CLEC12A: variants seen among roughly 807,000 people sequenced by gnomAD.
The protein encoded by CLEC12A is C-type lectin protein CLL-1.
CLEC12A carries 22 observed loss-of-function variants against 26.5 expected under a neutral mutation model. The ratio of observed to expected loss-of-function variants is 0.83; its 90% CI spans 0.59 to 1.19. CLEC12A has a LOEUF of 1.19. Among genes scored for constraint, CLEC12A ranks in the 50% most tolerant of loss-of-function variants. The probability of loss-of-function intolerance (pLI) is 0.00; values close to 1 mark genes in which losing one functional copy is unlikely to be tolerated. For synonymous variants in CLEC12A, 119 were observed against 101.9 expected (o/e 1.17, Z -1.01); for missense variants, 353 against 315.6 (o/e 1.12, Z -0.90).
At chr12:9,963,844 T>C (rs574184405) in intron 1 of CLEC12A, among the ~76,000 whole-genome samples, 24 of 152,296 alleles carry the variant, frequency 1.6e-4, no homozygotes, top group East Asian at 5.8e-4. Flanking sequence ...GCAGCAGCCA[T>C]CAGAGGTTGT....
At chr12:9,972,896 G>A (rs983589672) in intron 1 of CLEC12A, among the ~76,000 whole-genome samples, 1 of 151,882 alleles carries the variant, frequency 6.6e-6, no homozygotes, top group Admixed American at 6.6e-5. Flanking sequence ...GGCATATCAT[G>A]AGCCTAATAT....
chr12:10,003,532 G>C, the CLEC12A span, among the ~76,000 whole-genome samples: 1 of 152,208 alleles, frequency 6.6e-6, no homozygotes, highest in Non-Finnish European at 1.5e-5. Flanking sequence ...TATTGACTAA[G>C]AGGAGAAAGG....
intron 1 of CLEC12A, chr12:9,951,841 G>A (rs756902807): frequency 1.0e-4 from 17 of 169,576 alleles, no homozygotes; most frequent in African/African-American, 3.1e-4. Context: ...ATCTCTACCC[G>A]TATCACGCTG....
At chr12:9,977,219 T>A (rs1009138414) in intron 1 of CLEC12A, among the ~76,000 whole-genome samples, 1 of 152,148 alleles carries the variant, frequency 6.6e-6, no homozygotes, top group Non-Finnish European at 1.5e-5. Flanking sequence ...TATACTTAAT[T>A]TATCCATGGG....
chr12:9,961,545 A>C (rs1363484113), intron 1 of CLEC12A, among the ~76,000 whole-genome samples: 1 of 152,220 alleles, frequency 6.6e-6, no homozygotes, highest in Non-Finnish European at 1.5e-5. Flanking sequence ...CAAAAAGATA[A>C]TTATAAAATT....
intron 1 of CLEC12A, among the ~76,000 whole-genome samples, chr12:9,959,080 C>T (rs1038609293): frequency 6.6e-6 from 1 of 152,184 alleles, no homozygotes; most frequent in African/African-American, 2.4e-5. Flanking sequence ...CTCTTCCTCC[C>T]CAGTTCATCT....
intron 3 of CLEC12A, 104 bp downstream of exon 3, chr12:9,979,628 C>T: frequency 1.2e-6 from 1 of 827,402 alleles, no homozygotes; most frequent in South Asian, 2.1e-5. Context: ...TCTAGGGAGT[C>T]ATAATTTGGG....
At chr12:9,997,191 C>G, downstream of CLEC12A, 2 of 1,613,844 alleles carry the variant, frequency 1.2e-6, no homozygotes, top group Non-Finnish European at 1.7e-6. Context: ...ATTGTTTTAC[C>G]ACATATTGAC....
intron 1 of CLEC12A, among the ~76,000 whole-genome samples, chr12:9,960,902 T>C (rs1863817198): frequency 1.3e-5 from 2 of 152,166 alleles, no homozygotes; most frequent in African/African-American, 4.8e-5. Flanking sequence ...TTTCTATTTT[T>C]CCCCTGTCCA....
chr12:9,971,211 C>T (rs909809260), upstream of CLEC12A, among the ~76,000 whole-genome samples: 1 of 152,178 alleles, frequency 6.6e-6, no homozygotes, highest in East Asian at 1.9e-4. Context: ...AAATCCTACA[C>T]TATGTCTGCA....
At chr12:10,000,454 A>G (rs2137249773), downstream of CLEC12A, among the ~76,000 whole-genome samples, 1 of 152,356 alleles carries the variant, frequency 6.6e-6, no homozygotes, top group Non-Finnish European at 1.5e-5. Context: ...TTGGAAAGCC[A>G]AACTTAGTAT....
chr12:9,997,521 A>C (rs1419921980), downstream of CLEC12A, among the ~76,000 whole-genome samples: 2 of 152,210 alleles, frequency 1.3e-5, no homozygotes, highest in Non-Finnish European at 2.9e-5. Context: ...CAAATAAAAA[A>C]TCCCAACATC....
chr12:9,981,857 A>T (rs1864570526), intron 4 of CLEC12A, among the ~76,000 whole-genome samples, 163 bp from the exon 5 acceptor site: 1 of 152,180 alleles, frequency 6.6e-6, no homozygotes, highest in African/African-American at 2.4e-5. Context: ...GAAATTTTGT[A>T]GTAAGGAGTA....
intron 1 of CLEC12A, among the ~76,000 whole-genome samples, chr12:9,959,751 G>T (rs1184513467): frequency 6.6e-6 from 1 of 152,158 alleles, no homozygotes; most frequent in African/African-American, 2.4e-5. Context: ...GTTTCCAAGA[G>T]ATAAATCTTA....
At chr12:9,974,242 T>G (rs1345306065) in intron 1 of CLEC12A, among the ~76,000 whole-genome samples, 1 of 152,198 alleles carries the variant, frequency 6.6e-6, no homozygotes, top group Admixed American at 6.5e-5. Flanking sequence ...TCATGGCTTC[T>G]CCTGTCACCA....
chr12:9,970,109 G>A (rs1208014366), upstream of CLEC12A, among the ~76,000 whole-genome samples: 1 of 152,160 alleles, frequency 6.6e-6, no homozygotes, highest in African/African-American at 2.4e-5. Context: ...TTTATCAGGA[G>A]AAAATCAGTT....
At chr12:9,996,857 G>T (rs1389444399), downstream of CLEC12A, 1 of 1,613,946 alleles carries the variant, frequency 6.2e-7, no homozygotes. Flanking sequence ...ACAATGTTCC[G>T]GTTGTCAATC....
intron 3 of CLEC12A, 54 bp from the exon 4 acceptor site, chr12:9,980,528 A>G: frequency 2.0e-6 from 3 of 1,490,286 alleles, no homozygotes; most frequent in Non-Finnish European, 2.8e-6. Flanking sequence ...AGGAAATAAT[A>G]AGAATTATTA....
At chr12:9,996,874 A>G, downstream of CLEC12A, 1 of 1,614,092 alleles carries the variant, frequency 6.2e-7, no homozygotes, top group Non-Finnish European at 8.5e-7. Context: ...AATCTTCAGG[A>G]GAGTAGCATT....
Sources: gnomAD v4.1 joint callset for allele counts (sites outside exome capture counted in the v4.1 genomes callset) on GRCh38, gnomAD v4.1.1 for gene constraint, MANE v1.5 for transcripts, NCBI Gene and HGNC (gene_info 2026-07-23, HGNC 2026-07-21) for gene names.